The following PRR16 variants were observed in gnomAD, a reference collection of about 807,000 sequenced individuals.
PRR16 encodes the protein proline rich 16.
In PRR16, 6 loss-of-function variants were observed where a neutral mutation model predicts 18.2. That is an observed-to-expected ratio of 0.33 (90% CI 0.18 to 0.65). The LOEUF (loss-of-function observed/expected upper bound fraction) is 0.65. Ranked by LOEUF, PRR16 falls within the 30% of genes least tolerant of loss-of-function variation. PRR16 has a pLI of 0.74. For missense variants in PRR16, 412 were observed against 376.6 expected, an observed-to-expected ratio of 1.09 and a Z score of -0.78; for synonymous variants, 151 against 147.8, an observed-to-expected ratio of 1.02 and a Z score of -0.16.
At chr5:120,692,078 C>T (rs1290174684), downstream of PRR16, among the ~76,000 whole-genome samples, 1 of 152,176 alleles carries the variant, frequency 6.6e-6, no homozygotes, top group African/African-American at 2.4e-5. Context: ...CCTCCACAAT[C>T]CATATTCTTC....
the PRR16 span, among the ~76,000 whole-genome samples, chr5:120,711,642 C>G: frequency 3.3e-5 from 5 of 152,154 alleles, no homozygotes; most frequent in African/African-American, 1.2e-4. Context: ...TTGGATTGGA[C>G]ACACTTGGCC....
intron 1 of PRR16, among the ~76,000 whole-genome samples, chr5:120,511,317 A>G (rs542802024): frequency 1.3e-5 from 2 of 152,254 alleles, no homozygotes; most frequent in African/African-American, 4.8e-5. Context: ...TTGGGCCAAA[A>G]TGGACTCTCT....
chr5:120,630,398 G>T (rs994041229), intron 1 of PRR16, among the ~76,000 whole-genome samples: 18 of 152,004 alleles, frequency 1.2e-4, no homozygotes, highest in African/African-American at 3.9e-4. Flanking sequence ...TGTCATTTTG[G>T]CTTGTAAGGT....
chr5:120,524,935 T>G (rs1171309502), intron 1 of PRR16, among the ~76,000 whole-genome samples: 3 of 152,046 alleles, frequency 2.0e-5, no homozygotes, highest in Non-Finnish European at 2.9e-5. Context: ...ATTAGAAGAG[T>G]ATCTTAAAAT....
intron 1 of PRR16, among the ~76,000 whole-genome samples, chr5:120,626,455 A>C (rs1410290374): frequency 6.6e-6 from 1 of 152,140 alleles, no homozygotes; most frequent in South Asian, 2.1e-4. Flanking sequence ...TACAAGTTAT[A>C]ATAGTGATGA....
At chr5:120,519,094 AG>A (rs1751090292) in intron 1 of PRR16, among the ~76,000 whole-genome samples, 1 of 152,038 alleles carries the variant, frequency 6.6e-6, no homozygotes, top group Admixed American at 6.6e-5. Context: ...ACCTGCAAGG[AG>A]GGAGTATACC....
chr5:120,701,465 C>G, the PRR16 span, among the ~76,000 whole-genome samples: 1 of 152,090 alleles, frequency 6.6e-6, no homozygotes, highest in African/African-American at 2.4e-5. Flanking sequence ...TTAACCTTGA[C>G]TATGCATTTA....
the PRR16 span, among the ~76,000 whole-genome samples, chr5:120,713,519 T>A: frequency 1.9e-4 from 29 of 152,306 alleles, no homozygotes; most frequent in South Asian, 8.3e-4. Flanking sequence ...CCATATTATA[T>A]GTGGGAAATA....
At chr5:120,760,747 A>C in the PRR16 span, among the ~76,000 whole-genome samples, 1 of 152,126 alleles carries the variant, frequency 6.6e-6, no homozygotes, top group Non-Finnish European at 1.5e-5. Flanking sequence ...GACCAATATC[A>C]AATAGGAATT....
intron 1 of PRR16, among the ~76,000 whole-genome samples, chr5:120,497,099 C>T (rs887029971): frequency 2.0e-5 from 3 of 152,072 alleles, no homozygotes; most frequent in Non-Finnish European, 4.4e-5. Flanking sequence ...AATAAAGTAG[C>T]TGAGGCTTGT....
At chr5:120,470,870 A>T (rs1029870958) in intron 1 of PRR16, among the ~76,000 whole-genome samples, 1 of 152,166 alleles carries the variant, frequency 6.6e-6, no homozygotes, top group African/African-American at 2.4e-5. Flanking sequence ...CTTGGTGTCA[A>T]AGAACAGCAT....
chr5:120,653,436 A>G (rs555469063), intron 1 of PRR16, among the ~76,000 whole-genome samples: 2 of 152,092 alleles, frequency 1.3e-5, no homozygotes, highest in Non-Finnish European at 2.9e-5. Context: ...ACCCATAAGT[A>G]TAATAATAAG....
intron 1 of PRR16, among the ~76,000 whole-genome samples, chr5:120,534,011 T>C (rs1751635668): frequency 1.3e-5 from 2 of 152,166 alleles, no homozygotes; most frequent in Admixed American, 6.5e-5. Flanking sequence ...TCCATTAAGA[T>C]GGAGAAGGCT....
chr5:120,564,203 A>G (rs1057206270), intron 1 of PRR16, among the ~76,000 whole-genome samples: 1 of 152,102 alleles, frequency 6.6e-6, no homozygotes, highest in Non-Finnish European at 1.5e-5. Context: ...GTGAGCTGCA[A>G]CGCCTTCGGT....
At chr5:120,755,018 A>C in the PRR16 span, among the ~76,000 whole-genome samples, 5,357 of 119,112 alleles carry the variant, frequency 0.045, 250 homozygotes, top group African/African-American at 0.13. Context: ...TTATGTGACT[A>C]AGTTTTTTTC....
intron 1 of PRR16, among the ~76,000 whole-genome samples, chr5:120,604,955 G>A (rs1009938172): frequency 6.6e-6 from 1 of 152,108 alleles, no homozygotes; most frequent in African/African-American, 2.4e-5. Flanking sequence ...CTCTGTCGCT[G>A]CCTTTAAGAT....
intron 1 of PRR16, among the ~76,000 whole-genome samples, chr5:120,665,571 T>G (rs1756343014): frequency 6.6e-6 from 1 of 152,190 alleles, no homozygotes; most frequent in Admixed American, 6.5e-5. Context: ...GGTTTTCTTC[T>G]AGGGTTTTTA....
At chr5:120,678,450 A>C (rs555140952) in intron 1 of PRR16, among the ~76,000 whole-genome samples, 1 of 152,278 alleles carries the variant, frequency 6.6e-6, no homozygotes, top group South Asian at 2.1e-4. Context: ...CACTAGGCAA[A>C]TTCTTAGTGA....
intron 1 of PRR16, among the ~76,000 whole-genome samples, chr5:120,563,035 C>G (rs1752624077): frequency 6.6e-6 from 1 of 152,038 alleles, no homozygotes. Context: ...TTGAAGAATT[C>G]CCTTTATCAT....
Sources: allele counts gnomAD v4.1 joint callset (sites outside exome capture counted in the v4.1 genomes callset), GRCh38; gene constraint gnomAD v4.1.1; transcripts MANE v1.5; gene names NCBI Gene and HGNC (gene_info 2026-07-23, HGNC 2026-07-21).